NAV2: variants seen among roughly 807,000 people sequenced by gnomAD.
NAV2 encodes the protein helicase, APC down-regulated 1.
NAV2 carries 54 observed loss-of-function variants against 223.2 expected under a neutral mutation model. The ratio of observed to expected loss-of-function variants is 0.24; its 90% CI spans 0.19 to 0.30. The LOEUF (loss-of-function observed/expected upper bound fraction) is 0.30, where lower values mean the gene tolerates loss of function less well. NAV2 is among the 10% of genes least tolerant of loss of function. The pLI is 1.00. For missense variants in NAV2, 2,806 were observed against 3,147.5 expected (o/e 0.89, Z 2.60); for synonymous variants, 1,279 against 1,239.3 (o/e 1.03, Z -0.67).
intron 1 of NAV2, among the ~76,000 whole-genome samples, chr11:19,650,765 C>T (rs973974563): frequency 5.9e-5 from 9 of 152,236 alleles, no homozygotes; most frequent in African/African-American, 7.2e-5. Flanking sequence ...ACTTCTGACA[C>T]GTGCACAACA....
At chr11:20,002,024 C>T (rs1038067525) in intron 11 of NAV2, among the ~76,000 whole-genome samples, 2 of 152,114 alleles carry the variant, frequency 1.3e-5, no homozygotes, top group African/African-American at 2.4e-5. Context: ...GTCAGGATGC[C>T]GGCATGGTCG....
chr11:19,684,215 TA>T (rs1463291741), intron 1 of NAV2, among the ~76,000 whole-genome samples: 2 of 152,226 alleles, frequency 1.3e-5, no homozygotes, highest in East Asian at 3.8e-4. Context: ...GAACTCAATT[TA>T]AATAGAATTA....
chr11:19,385,747 T>C (rs1178543876), intron 1 of NAV2, among the ~76,000 whole-genome samples: 1 of 143,828 alleles, frequency 7.0e-6, no homozygotes, highest in Non-Finnish European at 1.5e-5. Flanking sequence ...TTTTTCAATA[T>C]AGCTCCTTTT....
intron 37 of NAV2, among the ~76,000 whole-genome samples, chr11:20,117,248 C>T (rs932484197): frequency 3.9e-5 from 6 of 152,088 alleles, no homozygotes; most frequent in South Asian, 2.1e-4. Context: ...ACAAGTGACC[C>T]GTAGTATGTA....
At chr11:19,474,763 G>A (rs764935117) in intron 1 of NAV2, among the ~76,000 whole-genome samples, 30 of 152,288 alleles carry the variant, frequency 2.0e-4, no homozygotes, top group African/African-American at 5.8e-4. Flanking sequence ...CCAGAGAACC[G>A]ATGAAAAAAG....
At position 20,036,063 on chromosome 11, in the gene NAV2, C is replaced by A. The variant is rs2056332373; in HGVS notation, c.2873C>A (p.Thr958Lys). 2 of 1,614,230 alleles carry A rather than the reference C, an allele frequency of 1.2e-6. No homozygotes were observed. The highest frequency in any genetic ancestry group is 1.7e-6 in the Non-Finnish European group (2 of 1,180,028). The part of the protein sequence containing the change: ...TSSSISSYAN[T>K]PASSRKNLDV... ...TCCTCCATCAGCTCTTATGCCAACA[C>A]ACCTGCCTCCTCTCGAAAAAACCTG... The change falls in exon 12 of 38, where the codon ACA (threonine) becomes AAA (lysine). Residue 958 changes from threonine to lysine, a missense_variant. Thr to Lys is a moderately conservative substitution (Grantham distance 78). This residue lies in a region of NAV2 where 73 missense variants were observed against 119.7 expected (regional missense o/e 0.61). Coordinates refer to ENST00000349880, the MANE Select transcript of NAV2 (RefSeq NM_145117.5).
chr11:19,964,917 T>A (rs1033898099), intron 10 of NAV2, among the ~76,000 whole-genome samples: 3 of 145,276 alleles, frequency 2.1e-5, no homozygotes, highest in Non-Finnish European at 4.5e-5. Context: ...CCTCCCGGGT[T>A]CAAGCAATTC....
At position 19,953,341 on chromosome 11, in the gene NAV2, T is replaced by C. The variant is rs528646566; in HGVS notation, c.2645+4261T>C. On this transcript the variant is annotated intron_variant, in intron 10 of 37. Transcript: ENST00000349880. ...GAGGCTCTTCATGGCCTTTGCCTCA[T>C]CTGCCTTCGCTGACTTGCCCCCGGC... is the stretch of plus-strand genomic sequence containing the variant. Among the ~76,000 whole-genome samples, 109 of 152,348 alleles carry C rather than the reference T, an allele frequency of 7.2e-4. 1 individual carries two copies. The highest frequency in any genetic ancestry group is 2.5e-3 in the African/African-American group (106 of 41,584).
chr11:19,487,780 C>A (rs2042493638), intron 1 of NAV2, among the ~76,000 whole-genome samples: 1 of 152,190 alleles, frequency 6.6e-6, no homozygotes, highest in South Asian at 2.1e-4. Flanking sequence ...CACTTATAAT[C>A]TCCCTCTGGG....
At chr11:19,873,815 G>A (rs1591004418) in intron 4 of NAV2, among the ~76,000 whole-genome samples, 1 of 152,284 alleles carries the variant, frequency 6.6e-6, no homozygotes, top group East Asian at 1.9e-4. Context: ...TCTCCTGTGG[G>A]TAGAGTGATT....
chr11:19,787,768 C>T (rs1402825187), intron 1 of NAV2, among the ~76,000 whole-genome samples: 1 of 152,052 alleles, frequency 6.6e-6, no homozygotes, highest in East Asian at 1.9e-4. Flanking sequence ...GGACTTGGAG[C>T]TGGGCTGAAA....
chr11:19,718,300 G>T (rs2152344082), intron 1 of NAV2, among the ~76,000 whole-genome samples: 1 of 152,260 alleles, frequency 6.6e-6, no homozygotes, highest in African/African-American at 2.4e-5. Flanking sequence ...TATTTGAGGA[G>T]ACATTAGCCT....
At chr11:19,968,223 G>A (rs2048932767) in intron 10 of NAV2, among the ~76,000 whole-genome samples, 1 of 152,120 alleles carries the variant, frequency 6.6e-6, no homozygotes, top group African/African-American at 2.4e-5. Context: ...TTGAGATAGA[G>A]TTTCACTCTT....
At chr11:19,894,918 C>T (rs570556386) in intron 6 of NAV2, among the ~76,000 whole-genome samples, 8 of 151,820 alleles carry the variant, frequency 5.3e-5, no homozygotes, top group South Asian at 4.2e-4. Flanking sequence ...TTAGTAGAGA[C>T]GGGGTTTCAC....
chr11:19,750,379 A>G (rs1019513585), intron 1 of NAV2, among the ~76,000 whole-genome samples: 2 of 152,054 alleles, frequency 1.3e-5, no homozygotes, highest in African/African-American at 4.8e-5. Context: ...CATGTGTCTC[A>G]TTTTCTCCCC....
chr11:19,742,240 A>T (rs1312366603), intron 1 of NAV2, among the ~76,000 whole-genome samples: 14 of 152,174 alleles, frequency 9.2e-5, no homozygotes. Context: ...TACTGGCTCT[A>T]CCACTTCCTA....
chr11:20,043,105 A>G (rs1488760001), intron 12 of NAV2, among the ~76,000 whole-genome samples: 1 of 152,050 alleles, frequency 6.6e-6, no homozygotes, highest in Non-Finnish European at 1.5e-5. Context: ...CATTTGGGGG[A>G]AGTAGCATTT....
intron 1 of NAV2, chr11:19,504,882 C>T (rs952358543): frequency 4.6e-5 from 7 of 152,238 alleles, no homozygotes; most frequent in African/African-American, 1.4e-4. Context: ...TCGATCCTCA[C>T]ATCTGCCTTG....
At position 19,813,836 on chromosome 11, in the gene NAV2, C is replaced by T. The variant is rs2058959902; in HGVS notation, c.268-18648C>T. On this transcript the variant is annotated intron_variant, in intron 1 of 37. Coordinates refer to ENST00000349880, the MANE Select transcript of NAV2 (RefSeq NM_145117.5). ...CCCGCTCGGGGTCAAAGTCGGGATT[C>T]CTGTGACCATTATAAAGTGGTAAGC... Among the ~76,000 whole-genome samples the T allele has an allele frequency of 2.6e-5, 4 of 152,246 alleles. No individual in the cohort carries two copies. In the South Asian group the frequency reaches 8.3e-4, roughly 32 times the overall value.
Sources: allele counts gnomAD v4.1 joint callset (sites outside exome capture counted in the v4.1 genomes callset), GRCh38; gene constraint gnomAD v4.1.1; regional missense constraint gnomAD v4.1.1; transcripts MANE v1.5; gene names NCBI Gene and HGNC (gene_info 2026-07-23, HGNC 2026-07-21).